CADPS: variants seen among roughly 807,000 people sequenced by gnomAD.
CADPS encodes the protein calcium-dependent secretion activator 1.
Under a neutral mutation model 167.3 loss-of-function variants are expected in CADPS, and 57 were observed. That is an observed-to-expected ratio of 0.34 (90% CI 0.28 to 0.42). CADPS has a LOEUF of 0.42. CADPS is among the 20% of genes least tolerant of loss of function. The pLI, the probability that CADPS is intolerant of heterozygous loss-of-function variation, is 1.00. For missense variants in CADPS, 1,414 were observed against 1,738.1 expected (o/e 0.81, Z 3.32); for synonymous variants, 676 against 635.3 (o/e 1.06, Z -0.96).
At position 62,700,552 on chromosome 3, in the gene CADPS, G is replaced by A. The variant is rs560621504; in HGVS notation, c.889-38158C>T. Among the ~76,000 whole-genome samples the A allele has an allele frequency of 3.7e-4, 56 of 152,000 alleles. 1 individual carries two copies. The highest frequency in any genetic ancestry group is 1.2e-3 in the South Asian group (6 of 4,818). ...TAGAGATGATATGTACATTTTATAG[G>A]GAGGAATTGGGGACCTAATCTTATG... On this transcript the variant is annotated intron_variant, in intron 3 of 29. Transcript: ENST00000383710.
In CADPS at chr3:62,564,983, T is replaced by C. The variant is rs530999088; in HGVS notation, c.1644+5889A>G. Among the ~76,000 whole-genome samples the C allele has an allele frequency of 9.3e-4, 141 of 152,330 alleles. 3 individuals carry two copies. The highest frequency in any genetic ancestry group is 2.7e-3 in the African/African-American group (113 of 41,580). On this transcript the variant is annotated intron_variant, in intron 9 of 29. Coordinates refer to ENST00000383710, the MANE Select transcript of CADPS (RefSeq NM_003716.4). ...AGCGTTAAGACTTTCTAACCTGATATGGGTGATAAGTTGGCCTGTTTTCAC... is the reference window on the plus strand; with the variant it reads ...AGCGTTAAGACTTTCTAACCTGATACGGGTGATAAGTTGGCCTGTTTTCAC...
intron 1 of CADPS, among the ~76,000 whole-genome samples, chr3:62,837,093 C>T (rs1257084987): frequency 1.3e-5 from 2 of 152,102 alleles, no homozygotes; most frequent in African/African-American, 2.4e-5. Flanking sequence ...AGTAATAATA[C>T]GTTAATAAAT....
intron 29 of CADPS, among the ~76,000 whole-genome samples, chr3:62,401,131 A>G (rs1433381230): frequency 1.3e-5 from 2 of 152,182 alleles, no homozygotes; most frequent in African/African-American, 4.8e-5. Flanking sequence ...CTAGACAGCT[A>G]CCTGAACTGT....
In CADPS at chr3:62,753,735, C is replaced by T. The variant is rs2083230411; in HGVS notation, c.594G>A (p.Gln198=). 7 of 1,614,136 alleles carry T rather than the reference C, an allele frequency of 4.3e-6. No individual in the cohort carries two copies. Among genetic ancestry groups the T allele is most frequent in the Non-Finnish European group, 5.9e-6 (7 of 1,180,012 alleles). The part of the protein sequence containing the change: ...LKSDRVARMV[Q]SGGCSANDSR... Reference sequence around the variant, plus strand: ...AGTCGTTGGCGGAACAGCCTCCACTCTGAACCATGCGGGCCACACGGTCGC... The same window carrying T: ...AGTCGTTGGCGGAACAGCCTCCACTTTGAACCATGCGGGCCACACGGTCGC... Residue 198 remains glutamine, a synonymous_variant, in exon 3 of 30, where the codon CAG becomes CAA. Coordinates refer to ENST00000383710, the MANE Select transcript of CADPS (RefSeq NM_003716.4). The surrounding 1 kb of genome is among the most constrained non-coding windows in gnomAD (Gnocchi z 4.6).
intron 3 of CADPS, among the ~76,000 whole-genome samples, chr3:62,712,888 G>T (rs574329262): frequency 6.6e-6 from 1 of 152,256 alleles, no homozygotes; most frequent in Non-Finnish European, 1.5e-5. Context: ...TTTTGTGAGA[G>T]GAGGAACAGG....
At chr3:62,630,345 A>C (rs1023852001) in intron 6 of CADPS, among the ~76,000 whole-genome samples, 13 of 151,968 alleles carry the variant, frequency 8.6e-5, no homozygotes, top group African/African-American at 2.7e-4. Context: ...AGCCTCTTTT[A>C]TTTTATTTTC....
chr3:62,776,842 G>A (rs1348486428), intron 1 of CADPS, among the ~76,000 whole-genome samples: 1 of 152,120 alleles, frequency 6.6e-6, no homozygotes, highest in Non-Finnish European at 1.5e-5. Flanking sequence ...AAGGCCGTAG[G>A]GAGAAAAGGC....
At chr3:62,812,368 T>C (rs1278942944) in intron 1 of CADPS, among the ~76,000 whole-genome samples, 8 of 152,338 alleles carry the variant, frequency 5.3e-5, no homozygotes, top group Middle Eastern at 6.8e-3. Context: ...GGTCAAGCTG[T>C]CTAGCTAATA....
At chr3:62,605,987 A>G (rs2060641555) in intron 6 of CADPS, among the ~76,000 whole-genome samples, 1 of 152,142 alleles carries the variant, frequency 6.6e-6, no homozygotes, top group Non-Finnish European at 1.5e-5. Context: ...CTATGGCAAA[A>G]GGACTTGTTC....
intron 1 of CADPS, among the ~76,000 whole-genome samples, chr3:62,864,669 G>A (rs2081368467): frequency 6.6e-6 from 1 of 152,050 alleles, no homozygotes; most frequent in South Asian, 2.1e-4. Flanking sequence ...CAGTCATAAT[G>A]GATTATAGCC....
At chr3:62,747,154 A>G (rs1168257860) in intron 3 of CADPS, among the ~76,000 whole-genome samples, 1 of 152,242 alleles carries the variant, frequency 6.6e-6, no homozygotes, top group Admixed American at 6.5e-5. Context: ...TGAATGAATG[A>G]TGAAAGTATG....
intron 3 of CADPS, among the ~76,000 whole-genome samples, chr3:62,688,148 CT>C (rs2078435326): frequency 6.6e-6 from 1 of 151,998 alleles, no homozygotes. Context: ...ATGAATAGTT[CT>C]GCGTTGCAGG....
In CADPS at chr3:62,402,827, T is replaced by C. The variant is rs190042083; in HGVS notation, c.3882+254A>G. Among the ~76,000 whole-genome samples, 420 of 152,382 alleles carry C rather than the reference T, an allele frequency of 2.8e-3. 1 individual carries two copies. The highest frequency in any genetic ancestry group is 4.5e-3 in the Non-Finnish European group (305 of 68,038). On this transcript the variant is annotated intron_variant, in intron 29 of 29. Transcript: ENST00000383710. ...GCAAAGGACACGATGGCCTCTGCCG[T>C]ATTTTTGTATGGCAAAACCAAGTAT...
At chr3:62,715,183 C>G (rs1257696171) in intron 3 of CADPS, among the ~76,000 whole-genome samples, 1 of 152,056 alleles carries the variant, frequency 6.6e-6, no homozygotes, top group Non-Finnish European at 1.5e-5. Flanking sequence ...ACAAGAATGA[C>G]CATGACTTGT....
Position 62,536,505 on chromosome 3 carries a change from G to T in CADPS, c.2043C>A (p.Leu681=). ...SNPCNFDHAS[L]FEMVQRLTLD... ...AAGTAAGGCGTTGTACCATCTCAAA[G>T]AGGGAAGCGTGGTCAAAGTTACAGG... Residue 681 remains leucine, a synonymous_variant, in exon 12 of 30, where the codon CTC becomes CTA. Coordinates refer to ENST00000383710, the MANE Select transcript of CADPS (RefSeq NM_003716.4). 1 of 1,613,376 alleles carries T rather than the reference G, an allele frequency of 6.2e-7. No individual in the cohort carries two copies. Among genetic ancestry groups the T allele is most frequent in the Non-Finnish European group, 8.5e-7 (1 of 1,179,408 alleles).
In CADPS at chr3:62,645,722, G is replaced by T. The variant is rs146548123; in HGVS notation, c.1325C>A (p.Thr442Asn). The part of the protein sequence containing the change: ...QTDQAEASKP[T>N]WGTQGDFSTT... Reference sequence around the variant, plus strand: ...TGGACCCTGGAGAAACATAACTTACGTTGGTTTAGAAGCCTCGGCCTGATC... The same window carrying T: ...TGGACCCTGGAGAAACATAACTTACTTTGGTTTAGAAGCCTCGGCCTGATC... Residue 442 changes from threonine to asparagine, a missense_variant and splice_region_variant, in exon 6 of 30, where the codon ACC (threonine) becomes AAC (asparagine). Thr to Asn is a moderately conservative substitution (Grantham distance 65). Transcript: ENST00000383710. 13 of 1,613,734 alleles carry T rather than the reference G, an allele frequency of 8.1e-6. No homozygotes were observed. In the African/African-American group the frequency reaches 1.2e-4, roughly 15 times the overall value.
intron 28 of CADPS, among the ~76,000 whole-genome samples, chr3:62,410,308 T>C (rs1037516447): frequency 7.2e-5 from 11 of 152,252 alleles, no homozygotes; most frequent in African/African-American, 2.7e-4. Flanking sequence ...TTTCTAAACA[T>C]GTATTCCTTT....
At chr3:62,551,091 C>G (rs2077249427) in intron 10 of CADPS, among the ~76,000 whole-genome samples, 1 of 151,350 alleles carries the variant, frequency 6.6e-6, no homozygotes, top group East Asian at 1.9e-4. Context: ...TGCTGATGGC[C>G]TTCACACTTC....
chr3:62,875,060 C>A lies in CADPS; in HGVS notation c.-31G>T. 2 of 1,555,870 alleles carry A rather than the reference C, an allele frequency of 1.3e-6. No individual in the cohort carries two copies. The highest frequency in any genetic ancestry group is 1.7e-6 in the Non-Finnish European group (2 of 1,149,436). ...CGCCTGGGGAGCGGGGTCTCTGGAG[C>A]CCCCGGCTTGGAGTGCAAAAGGTGG... On this transcript the variant is annotated 5_prime_UTR_variant, in exon 1 of 30. Coordinates refer to ENST00000383710, the MANE Select transcript of CADPS (RefSeq NM_003716.4).
Sources: allele counts gnomAD v4.1 joint callset (sites outside exome capture counted in the v4.1 genomes callset), GRCh38; gene constraint gnomAD v4.1.1; non-coding constraint Gnocchi (gnomAD v3.1); transcripts MANE v1.5; gene names NCBI Gene and HGNC (gene_info 2026-07-23, HGNC 2026-07-21).